The following DDAH1 variants were observed in gnomAD, a reference collection of about 807,000 sequenced individuals.
DDAH1 encodes the protein dimethylarginine dimethylaminohydrolase 1.
In DDAH1, 19 loss-of-function variants were observed where a neutral mutation model predicts 28.8. The ratio of observed to expected loss-of-function variants is 0.66; its 90% confidence interval spans 0.46 to 0.97. The LOEUF is 0.97. Ranked by LOEUF, DDAH1 falls within the 50% of genes least tolerant of loss-of-function variation. The pLI, the probability that DDAH1 is intolerant of heterozygous loss-of-function variation, is 0.00. For synonymous variants in DDAH1, 153 were observed against 154.4 expected, an observed-to-expected ratio of 0.99 and a Z score of 0.07; for missense variants, 326 against 375.9, an observed-to-expected ratio of 0.87 and a Z score of 1.10.
chr1:85,499,518 C>T (rs1656720182), intron 1 of DDAH1, among the ~76,000 whole-genome samples: 1 of 152,014 alleles, frequency 6.6e-6, no homozygotes. Context: ...ACTAAAAATA[C>T]AAAAAAATTA....
intron 2 of DDAH1, among the ~76,000 whole-genome samples, chr1:85,352,171 C>T (rs967981312): frequency 6.6e-6 from 1 of 152,088 alleles, no homozygotes; most frequent in African/African-American, 2.4e-5. Context: ...GGAGTTTGTA[C>T]ATTCTCTCTA....
intron 1 of DDAH1, among the ~76,000 whole-genome samples, chr1:85,442,402 C>T (rs1391060238): frequency 6.6e-6 from 1 of 152,156 alleles, no homozygotes; most frequent in Non-Finnish European, 1.5e-5. Flanking sequence ...TGTATATGTG[C>T]CACATTTTCT....
intron 1 of DDAH1, among the ~76,000 whole-genome samples, chr1:85,461,150 T>C (rs928590662): frequency 4.6e-5 from 7 of 152,130 alleles, no homozygotes; most frequent in African/African-American, 1.7e-4. Flanking sequence ...ATTTTTTCCC[T>C]AAAAAGTAAG....
At chr1:85,432,031 A>G (rs1180577307) in intron 1 of DDAH1, among the ~76,000 whole-genome samples, 1 of 152,194 alleles carries the variant, frequency 6.6e-6, no homozygotes, top group East Asian at 1.9e-4. Flanking sequence ...TAAATACAAT[A>G]AAAGGGATTT....
At chr1:85,324,107 T>C (rs977167404) in intron 5 of DDAH1, among the ~76,000 whole-genome samples, 1 of 149,432 alleles carries the variant, frequency 6.7e-6, no homozygotes, top group Non-Finnish European at 1.5e-5. Flanking sequence ...CCATCTCTAT[T>C]AAAAATACAA....
intron 1 of DDAH1, among the ~76,000 whole-genome samples, chr1:85,500,102 C>G (rs1656745016): frequency 7.2e-6 from 1 of 139,490 alleles, no homozygotes; most frequent in Admixed American, 7.5e-5. Context: ...TCCCTCCTTC[C>G]TCTTTCTTTT....
At chr1:85,536,393 A>G (rs1289248425) in intron 1 of DDAH1, among the ~76,000 whole-genome samples, 1 of 151,666 alleles carries the variant, frequency 6.6e-6, no homozygotes, top group Non-Finnish European at 1.5e-5. Context: ...TCTCTACTAA[A>G]TATACAAAAA....
intron 1 of DDAH1, among the ~76,000 whole-genome samples, chr1:85,558,606 A>G (rs916376396): frequency 3.3e-5 from 5 of 152,092 alleles, no homozygotes; most frequent in African/African-American, 1.2e-4. Flanking sequence ...AGGTATTTTC[A>G]TGTTCTGAGT....
chr1:85,386,963 G>A (rs1259561882), intron 1 of DDAH1, among the ~76,000 whole-genome samples: 3 of 152,186 alleles, frequency 2.0e-5, no homozygotes, highest in African/African-American at 7.2e-5. Context: ...ACTGGCCGGA[G>A]CTAAAAGCAG....
chr1:85,452,708 G>C (rs577224306), intron 1 of DDAH1, among the ~76,000 whole-genome samples: 3 of 152,114 alleles, frequency 2.0e-5, no homozygotes, highest in Non-Finnish European at 4.4e-5. Context: ...TCTAGGAACT[G>C]CATATATGCT....
intron 1 of DDAH1, among the ~76,000 whole-genome samples, chr1:85,378,747 C>T (rs1277253503): frequency 1.3e-5 from 2 of 152,086 alleles, no homozygotes; most frequent in African/African-American, 2.4e-5. Flanking sequence ...TCCTAGCAAA[C>T]GAAATGCCCT....
chr1:85,561,546 C>G (rs1228418875), intron 1 of DDAH1, among the ~76,000 whole-genome samples: 1 of 152,076 alleles, frequency 6.6e-6, no homozygotes, highest in Admixed American at 6.6e-5. Context: ...GTTCTCTTCT[C>G]CCTCATATCC....
At chr1:85,483,569 T>C (rs1293978684) in intron 2 of DDAH1, among the ~76,000 whole-genome samples, 1 of 152,240 alleles carries the variant, frequency 6.6e-6, no homozygotes, top group African/African-American at 2.4e-5. Context: ...TATCTGTTTA[T>C]GTAACACCCC....
Position 85,320,727 on chromosome 1 carries a change from C to T in DDAH1, c.*725G>A, listed in dbSNP as rs932259619. On this transcript the variant is annotated 3_prime_UTR_variant, in exon 6 of 6. Coordinates refer to ENST00000284031, the MANE Select transcript of DDAH1 (RefSeq NM_012137.4). ...TGGAATTTAGATCTCTGGGGCAAAC[C>T]CTGTCAGGATGTGCCTCTGTGTAGT... is the stretch of plus-strand genomic sequence containing the variant. The T allele has an allele frequency of 6.6e-6, 1 of 152,164 alleles. No individual in the cohort carries two copies. Among genetic ancestry groups the T allele is most frequent in the Non-Finnish European group, 1.5e-5 (1 of 68,054 alleles). The allele number at this position is 152,164 out of a possible 1,614,324, so 9.4% of individuals were successfully genotyped here.
chr1:85,466,832 C>CTTTTTTTTTTTTTTTTTTTT (rs10675813), upstream of DDAH1, among the ~76,000 whole-genome samples: 26 of 70,736 alleles, frequency 3.7e-4, 3 homozygotes, highest in Admixed American at 4.9e-4. Flanking sequence ...ATTATTTATT[C>CTTTTTTTTTTTTTTTTTTTT]TTTTTTTTTT....
intron 2 of DDAH1, among the ~76,000 whole-genome samples, chr1:85,485,307 T>C (rs180948047): frequency 6.6e-6 from 1 of 152,114 alleles, no homozygotes; most frequent in East Asian, 1.9e-4. Context: ...TTAGCTTAGG[T>C]AGTTTTTTTT....
chr1:85,511,772 A>G (rs1443685179), intron 1 of DDAH1, among the ~76,000 whole-genome samples: 1 of 152,368 alleles, frequency 6.6e-6, no homozygotes, highest in Non-Finnish European at 1.5e-5. Flanking sequence ...ATTCCTGGAC[A>G]CATACACTCT....
intron 1 of DDAH1, among the ~76,000 whole-genome samples, chr1:85,373,205 C>G (rs1570449390): frequency 6.6e-6 from 1 of 152,144 alleles, no homozygotes; most frequent in East Asian, 1.9e-4. Flanking sequence ...TGCTTCACTT[C>G]CTCCTGGATA....
intron 1 of DDAH1, among the ~76,000 whole-genome samples, chr1:85,392,885 T>C (rs1159433241): frequency 6.6e-6 from 1 of 151,390 alleles, no homozygotes; most frequent in East Asian, 1.9e-4. Context: ...TCAACTACGA[T>C]GCAACTACAA....
Sources: gnomAD v4.1 joint callset for allele counts (sites outside exome capture counted in the v4.1 genomes callset) on GRCh38, gnomAD v4.1.1 for gene constraint, MANE v1.5 for transcripts, NCBI Gene and HGNC (gene_info 2026-07-23, HGNC 2026-07-21) for gene names.